Variants in OXSR1 observed in about 807,000 individuals in gnomAD.
OXSR1 encodes serine/threonine-protein kinase OSR1.
OXSR1 carries 24 observed loss-of-function variants against 79.8 expected under a neutral mutation model. The ratio of observed to expected loss-of-function variants is 0.30; its 90% CI spans 0.22 to 0.42. OXSR1 has a LOEUF of 0.42. Ranked by LOEUF, OXSR1 falls within the 10% of genes least tolerant of loss-of-function variation. The pLI is 1.00. For missense variants in OXSR1, 430 were observed against 618.4 expected, an observed-to-expected ratio of 0.70 and a Z score of 3.23; for synonymous variants, 226 against 209.2, an observed-to-expected ratio of 1.08 and a Z score of -0.69.
chr3:38,175,260 A>G lies in OXSR1; in HGVS notation c.71-7743A>G, dbSNP rs186570553. Among the ~76,000 whole-genome samples, 1,407 of 152,196 alleles carry G rather than the reference A, an allele frequency of 9.2e-3. 12 individuals are homozygous for G. The highest frequency in any genetic ancestry group is 0.012 in the Non-Finnish European group (819 of 67,984). ...TCATTTGATTTGATTCATTTAATTC[A>G]TTTTTTCCTGACAGGAATATCTACT... is the stretch of plus-strand genomic sequence containing the variant. On this transcript the variant is annotated intron_variant, in intron 1 of 17. Coordinates refer to ENST00000311806, the MANE Select transcript of OXSR1 (RefSeq NM_005109.3).
At chr3:38,225,042 TA>T (rs1321433720) in intron 8 of OXSR1, 1 of 156,462 alleles carries the variant, frequency 6.4e-6, no homozygotes, top group African/African-American at 2.4e-5. Flanking sequence ...TTTACAGTAT[TA>T]ATAAAGGAAA....
chr3:38,215,177 G>C (rs1346118539), intron 4 of OXSR1, among the ~76,000 whole-genome samples: 2 of 152,118 alleles, frequency 1.3e-5, no homozygotes, highest in African/African-American at 4.8e-5. Flanking sequence ...TCTCTTATTT[G>C]ATTTGTTCAT....
intron 5 of OXSR1, among the ~76,000 whole-genome samples, chr3:38,218,124 T>A (rs1176496119): frequency 2.0e-5 from 3 of 152,250 alleles, no homozygotes; most frequent in Non-Finnish European, 2.9e-5. Context: ...CTTTTGGGTA[T>A]ATCCTCATAA....
intron 10 of OXSR1, among the ~76,000 whole-genome samples, chr3:38,233,027 G>C (rs1702842810): frequency 1.3e-5 from 2 of 152,106 alleles, no homozygotes; most frequent in South Asian, 4.1e-4. Flanking sequence ...GCTAAAAACA[G>C]GAAGATTGGT....
chr3:38,202,661 A>G (rs1702185457), intron 4 of OXSR1, among the ~76,000 whole-genome samples: 1 of 152,270 alleles, frequency 6.6e-6, no homozygotes, highest in Non-Finnish European at 1.5e-5. Flanking sequence ...AGAGATGATC[A>G]TGGACAATTA....
At chr3:38,188,584 T>A (rs1440552956) in intron 2 of OXSR1, among the ~76,000 whole-genome samples, 1 of 152,246 alleles carries the variant, frequency 6.6e-6, no homozygotes, top group Non-Finnish European at 1.5e-5. Flanking sequence ...TCATTGATTT[T>A]CTATGTGGTA....
intron 1 of OXSR1, among the ~76,000 whole-genome samples, chr3:38,177,050 A>G (rs1447451809): frequency 6.6e-6 from 1 of 152,260 alleles, no homozygotes; most frequent in East Asian, 1.9e-4. Context: ...ACCACTGGAT[A>G]GTACATTTGT....
intron 1 of OXSR1, among the ~76,000 whole-genome samples, chr3:38,179,808 C>CTT (rs34935629): frequency 2.8e-5 from 4 of 144,752 alleles, no homozygotes; most frequent in Admixed American, 6.9e-5. Flanking sequence ...TGGAAATAAT[C>CTT]TTTTTTTTTT....
intron 4 of OXSR1, among the ~76,000 whole-genome samples, chr3:38,206,543 G>A: frequency 6.6e-6 from 1 of 150,594 alleles, no homozygotes; most frequent in East Asian, 1.9e-4. Flanking sequence ...GTATACTTCA[G>A]TGGATGTTTT....
Position 38,227,789 on chromosome 3 carries a change from C to T in OXSR1, c.837-1898C>T, listed in dbSNP as rs150731388. On this transcript the variant is annotated intron_variant, in intron 8 of 17. Coordinates refer to ENST00000311806, the MANE Select transcript of OXSR1 (RefSeq NM_005109.3). ...CAAGTTGCTGTGAAACTACTGGACA[C>T]GAAGCAAAGACAAACTCCTACAGGC... 1.6e-4 allele frequency among the ~76,000 whole-genome samples: 24 copies of T among 152,166 alleles called. No individual in the cohort carries two copies. In the East Asian group the frequency reaches 3.1e-3, roughly 20 times the overall value.
At chr3:38,248,981 C>T (rs114128592) in intron 14 of OXSR1, among the ~76,000 whole-genome samples, 11 of 152,216 alleles carry the variant, frequency 7.2e-5, no homozygotes, top group African/African-American at 2.4e-4. Context: ...TGTACTTACA[C>T]AGCTAAAAGC....
intron 1 of OXSR1, among the ~76,000 whole-genome samples, chr3:38,168,575 T>A (rs1321228591): frequency 6.6e-6 from 1 of 152,228 alleles, no homozygotes; most frequent in African/African-American, 2.4e-5. Context: ...CAATAATCTT[T>A]TAGTAAATTT....
At chr3:38,171,421 A>G (rs996112496) in intron 1 of OXSR1, among the ~76,000 whole-genome samples, 2 of 152,244 alleles carry the variant, frequency 1.3e-5, no homozygotes, top group African/African-American at 4.8e-5. Flanking sequence ...TTTGTTTTCA[A>G]AGGATTGTAT....
intron 11 of OXSR1, among the ~76,000 whole-genome samples, chr3:38,240,231 G>T (rs767302501): frequency 1.3e-5 from 2 of 152,048 alleles, no homozygotes; most frequent in Non-Finnish European, 2.9e-5. Flanking sequence ...CTTTTATTAG[G>T]ATTATTTTTC....
At chr3:38,197,762 T>C (rs1702094124) in intron 3 of OXSR1, among the ~76,000 whole-genome samples, 1 of 152,228 alleles carries the variant, frequency 6.6e-6, no homozygotes, top group South Asian at 2.1e-4. Context: ...ATATTTTTTC[T>C]TGTTAAAGTG....
chr3:38,178,625 T>TAC (rs1701722371), intron 1 of OXSR1, among the ~76,000 whole-genome samples: 1 of 123,976 alleles, frequency 8.1e-6, no homozygotes, highest in Non-Finnish European at 1.7e-5. Flanking sequence ...TATATATTTT[T>TAC]TTTTTTTTTT....
intron 4 of OXSR1, among the ~76,000 whole-genome samples, chr3:38,207,305 T>A (rs1702284641): frequency 6.6e-6 from 1 of 152,226 alleles, no homozygotes; most frequent in African/African-American, 2.4e-5. Flanking sequence ...TTTCACATAA[T>A]AGTCTGGGCA....
At chr3:38,230,136 C>T (rs1702774550) in intron 9 of OXSR1, among the ~76,000 whole-genome samples, 2 of 152,124 alleles carry the variant, frequency 1.3e-5, no homozygotes, top group Non-Finnish European at 2.9e-5. Context: ...GCAAACTCTT[C>T]ATAGACAGTG....
intron 4 of OXSR1, among the ~76,000 whole-genome samples, chr3:38,214,907 T>C (rs931136616): frequency 6.6e-6 from 1 of 152,222 alleles, no homozygotes; most frequent in Non-Finnish European, 1.5e-5. Context: ...AGTGCTGCGC[T>C]TTTCACTGGC....
Sources: gnomAD v4.1 joint callset for allele counts (sites outside exome capture counted in the v4.1 genomes callset) on GRCh38, gnomAD v4.1.1 for gene constraint, MANE v1.5 for transcripts, NCBI Gene and HGNC (gene_info 2026-07-23, HGNC 2026-07-21) for gene names.